PANX1: variants seen among roughly 807,000 people sequenced by gnomAD.
PANX1 encodes pannexin 1, also known as pannexin-1.
PANX1 carries 30 observed loss-of-function variants against 38.7 expected under a neutral mutation model. The ratio of observed to expected loss-of-function variants is 0.78; its 90% CI spans 0.58 to 1.05. The LOEUF is 1.05. Among genes scored for constraint, PANX1 ranks in the 50% least tolerant of loss-of-function variants. The pLI, the probability that PANX1 is intolerant of heterozygous loss-of-function variation, is 0.00. For synonymous variants in PANX1, 230 were observed against 212.2 expected, an observed-to-expected ratio of 1.08 and a Z score of -0.73; for missense variants, 551 against 517.2, an observed-to-expected ratio of 1.07 and a Z score of -0.63.
At chr11:94,164,692 G>A (rs931394833) in intron 2 of PANX1, among the ~76,000 whole-genome samples, 1 of 152,188 alleles carries the variant, frequency 6.6e-6, no homozygotes, top group African/African-American at 2.4e-5. Flanking sequence ...TGTCTGTTAG[G>A]TATATTTGGC....
At chr11:94,158,848 C>T (rs1946986224) in intron 2 of PANX1, among the ~76,000 whole-genome samples, 1 of 152,098 alleles carries the variant, frequency 6.6e-6, no homozygotes, top group Non-Finnish European at 1.5e-5. Context: ...GGAATGCTTC[C>T]AGTTTTTGCC....
chr11:94,176,942 C>A (rs969274244), intron 2 of PANX1, among the ~76,000 whole-genome samples: 1 of 151,654 alleles, frequency 6.6e-6, no homozygotes, highest in East Asian at 1.9e-4. Flanking sequence ...GAGGACTGAA[C>A]ATAACGTGTC....
chr11:94,130,200 A>G (rs1371490338), intron 1 of PANX1, among the ~76,000 whole-genome samples: 1 of 152,150 alleles, frequency 6.6e-6, no homozygotes, highest in Non-Finnish European at 1.5e-5. Flanking sequence ...CACACAGGAG[A>G]GAGTGTTTAT....
chr11:94,163,255 T>C (rs1947069146), intron 2 of PANX1, among the ~76,000 whole-genome samples: 1 of 152,224 alleles, frequency 6.6e-6, no homozygotes, highest in Non-Finnish European at 1.5e-5. Flanking sequence ...GAATGTATAA[T>C]GAGCAAATCA....
At chr11:94,179,554 A>G in intron 3 of PANX1, 48 bp from the exon 4 acceptor site, 2 of 1,372,636 alleles carry the variant, frequency 1.5e-6, no homozygotes, top group Non-Finnish European at 2.0e-6. Flanking sequence ...TTAATATTTG[A>G]TGGTCTTGAT....
intron 1 of PANX1, among the ~76,000 whole-genome samples, chr11:94,152,266 T>C (rs1946890731): frequency 6.6e-6 from 1 of 152,190 alleles, no homozygotes; most frequent in Non-Finnish European, 1.5e-5. Flanking sequence ...AAGTTTTGTT[T>C]TTTGTTTTTT....
chr11:94,173,133 T>G (rs907827715), intron 2 of PANX1, among the ~76,000 whole-genome samples: 1 of 151,794 alleles, frequency 6.6e-6, no homozygotes, highest in African/African-American at 2.4e-5. Flanking sequence ...ACAGACATCC[T>G]TCATGCATCT....
intron 1 of PANX1, among the ~76,000 whole-genome samples, chr11:94,151,568 C>T (rs966288987): frequency 2.0e-5 from 3 of 152,184 alleles, no homozygotes; most frequent in Non-Finnish European, 4.4e-5. Context: ...GACTATCTGT[C>T]CCCTTAGGTA....
chr11:94,165,483 TA>T (rs1237776307), intron 2 of PANX1, among the ~76,000 whole-genome samples: 1 of 152,214 alleles, frequency 6.6e-6, no homozygotes, highest in East Asian at 1.9e-4. Context: ...ACTTTAAATG[TA>T]AATGGGCTAA....
chr11:94,136,658 C>T (rs1196648818), intron 1 of PANX1, among the ~76,000 whole-genome samples: 1 of 152,078 alleles, frequency 6.6e-6, no homozygotes, highest in African/African-American at 2.4e-5. Flanking sequence ...GTCCCAGCTA[C>T]TCAGGAGGCT....
At chr11:94,157,237 A>G (rs956684713) in intron 2 of PANX1, among the ~76,000 whole-genome samples, 16 of 152,186 alleles carry the variant, frequency 1.1e-4, no homozygotes, top group Non-Finnish European at 1.5e-5. Context: ...CTTTGGGTAT[A>G]TACCTAGTAA....
At chr11:94,155,554 C>T (rs1297502146) in intron 2 of PANX1, among the ~76,000 whole-genome samples, 7 of 151,942 alleles carry the variant, frequency 4.6e-5, no homozygotes, top group South Asian at 2.1e-4. Context: ...AATGGCAAAA[C>T]GCGCAATTAC....
rs1025911377 is a variant in PANX1 at position 94,128,943 on chromosome 11, G to GCAGGGC, written c.-366_-361dup. 1 of 163,056 alleles carries GCAGGGC rather than the reference G, an allele frequency of 6.1e-6. No homozygotes were observed. The highest frequency in any genetic ancestry group is 1.3e-5 in the Non-Finnish European group (1 of 75,740). 10.1% of individuals were successfully genotyped at this position (163,056 alleles called of 1,614,324 possible). A position where few individuals can be genotyped will look rare whatever the true frequency, so the allele number is the denominator to read the frequency against. On this transcript the variant is annotated 5_prime_UTR_variant, in exon 1 of 5. Transcript: ENST00000227638. ...TCGGCAGCCAGGGCGGCGCGGAGGG[G>GCAGGGC]CAGGGCCAGAGGGAAGCGCTTTGTT...
chr11:94,173,911 C>T (rs1246263363), intron 2 of PANX1, among the ~76,000 whole-genome samples: 1 of 151,644 alleles, frequency 6.6e-6, no homozygotes, highest in Admixed American at 6.6e-5. Flanking sequence ...GTTTTGGAGG[C>T]CAGAAGTCCA....
chr11:94,133,413 C>A (rs1420908412), intron 1 of PANX1, among the ~76,000 whole-genome samples: 1 of 152,060 alleles, frequency 6.6e-6, no homozygotes, highest in Non-Finnish European at 1.5e-5. Context: ...GTGGAGGCAA[C>A]TTTGGTAGTC....
chr11:94,176,099 C>G (rs1175959306), intron 2 of PANX1, among the ~76,000 whole-genome samples: 1 of 151,604 alleles, frequency 6.6e-6, no homozygotes, highest in Non-Finnish European at 1.5e-5. Context: ...GTGATATTAG[C>G]AGTACCTGTG....
rs763128119 is a variant in PANX1, at chr11:94,162,871, C to CTCTTTT, written c.321+9242_321+9243insCTTTTT. 8.0e-4 allele frequency among the ~76,000 whole-genome samples: 86 copies of CTCTTTT among 107,434 alleles called. No homozygotes were observed. The East Asian group carries it at 0.017, about 21-fold the overall frequency. 70.5% of individuals were successfully genotyped at this position (107,434 alleles called of 152,430 possible). On this transcript the variant is annotated intron_variant, in intron 2 of 4. Coordinates refer to ENST00000227638, the MANE Select transcript of PANX1 (RefSeq NM_015368.4). ...GGCCATCTTGGCTCCACCAACCTCT[C>CTCTTTT]TTTTTTTTTTTTTTTTTTGAGACAG... is the stretch of plus-strand genomic sequence containing the variant.
intron 1 of PANX1, among the ~76,000 whole-genome samples, chr11:94,136,336 A>G (rs929974163): frequency 6.6e-6 from 1 of 152,180 alleles, no homozygotes; most frequent in Non-Finnish European, 1.5e-5. Flanking sequence ...TAGAATTGCA[A>G]CTTTAAGTAG....
chr11:94,181,196 G>A lies in PANX1; in HGVS notation c.*327G>A. 4.2e-6 allele frequency: 1 copy of A among 240,482 alleles called. No homozygotes were observed. The highest frequency in any genetic ancestry group is 8.1e-6 in the Non-Finnish European group (1 of 122,924). 14.9% of individuals were successfully genotyped at this position (240,482 alleles called of 1,614,324 possible). On this transcript the variant is annotated 3_prime_UTR_variant, in exon 5 of 5. Coordinates refer to ENST00000227638, the MANE Select transcript of PANX1 (RefSeq NM_015368.4). ...CAGAGCCTCGGAGCAATACCTTTCT[G>A]TACCCGTGGTGAGACAAGACCCAGA...
Sources: allele counts gnomAD v4.1 joint callset (sites outside exome capture counted in the v4.1 genomes callset), GRCh38; gene constraint gnomAD v4.1.1; transcripts MANE v1.5; gene names NCBI Gene and HGNC (gene_info 2026-07-23, HGNC 2026-07-21).